HSPG2: variants seen among roughly 807,000 people sequenced by gnomAD.
HSPG2 encodes the protein heparan sulfate proteoglycan 2.
Under a neutral mutation model 526.6 loss-of-function variants are expected in HSPG2, and 278 were observed. The observed-to-expected ratio is 0.53, with a 90% CI of 0.48 to 0.58. The LOEUF (loss-of-function observed/expected upper bound fraction) is 0.58, where lower values mean the gene tolerates loss of function less well. Among genes scored for constraint, HSPG2 ranks in the 20% least tolerant of loss-of-function variants. The pLI is 0.00. For missense variants in HSPG2, 5,354 were observed against 6,099.5 expected (o/e 0.88, Z 4.07); for synonymous variants, 2,465 against 2,555.4 (o/e 0.96, Z 1.07).
At chr1:21,844,093 A>G (rs1638228113) in intron 65 of HSPG2, 55 bp downstream of exon 65, 2 of 1,600,164 alleles carry the variant, frequency 1.2e-6, no homozygotes, top group Non-Finnish European at 1.7e-6. Context: ...CGCTGGATTC[A>G]GGCAGGACCA....
rs1274090392 is a variant in HSPG2 at position 21,844,252 on chromosome 1, C to G, written c.8512G>C (p.Val2838Leu). The G allele has an allele frequency of 2.5e-6, 4 of 1,613,740 alleles. No individual in the cohort carries two copies. The highest frequency in any genetic ancestry group is 2.5e-6 in the Non-Finnish European group (3 of 1,180,014). Residue 2838 changes from valine (V) to leucine (L), a missense_variant, in exon 65 of 97, where the codon GTG becomes CTG. Transcript: ENST00000374695. ...AGATCCAGGGTCTGCCCTTCTGCCA[C>G]TCGGGAGGAGGAGGGCTCGATGCGG... ...PIRIEPSSSR[V>L]AEGQTLDLKC...
At chr1:21,849,495 A>G (rs1638716801) in intron 57 of HSPG2, among the ~76,000 whole-genome samples, 2 of 152,164 alleles carry the variant, frequency 1.3e-5, no homozygotes, top group South Asian at 2.1e-4. Context: ...CACACATTTC[A>G]GTGTCTCCAA....
intron 71 of HSPG2, 25 bp from the exon 72 acceptor site, chr1:21,840,042 T>C: frequency 6.2e-7 from 1 of 1,610,826 alleles, no homozygotes; most frequent in Non-Finnish European, 8.5e-7. Context: ...GGAGGCTGGT[T>C]ATGTGGGGAC....
At position 21,836,953 on chromosome 1, in the gene HSPG2, C is replaced by G. The variant is rs150666616; in HGVS notation, c.10204G>C (p.Val3402Leu). The change falls in exon 75 of 97, where the codon GTG becomes CTG. Residue 3402 changes from valine (V) to leucine (L), a missense_variant. By Grantham distance (32) the Val-to-Leu change is conservative. Transcript: ENST00000374695. ...GTCTCTAGCTGAGGCGTGACCTGCA[C>G]GGTGGGCGTGGACCCTGCTGGGATG... The part of the protein sequence containing the change: ...TSIPAGSTPT[V>L]QVTPQLETKS... The G allele has an allele frequency of 2.9e-4, 453 of 1,555,658 alleles. No individual in the cohort carries two copies. The African/African-American group carries it at 5.0e-3, about 17-fold the overall frequency.
intron 3 of HSPG2, among the ~76,000 whole-genome samples, chr1:21,892,172 GGC>G (rs1465133591): frequency 6.6e-6 from 1 of 152,254 alleles, no homozygotes; most frequent in African/African-American, 2.4e-5. Context: ...AGAAAGCCCT[GGC>G]GCTGCCTGCC....
rs905360222 is a variant in HSPG2, at chr1:21,852,153, C to T, written c.6805G>A (p.Ala2269Thr). 1.9e-6 allele frequency: 3 copies of T among 1,612,882 alleles called. No homozygotes were observed. Among genetic ancestry groups the T allele is most frequent in the Admixed American group, 1.7e-5 (1 of 59,860 alleles). The change falls in exon 53 of 97, where the codon GCA becomes ACA. Residue 2269 changes from alanine to threonine, a missense_variant. Transcript: ENST00000374695. ...GTGACCTGGGCGTGGGCCTGCCCTG[C>T]CACCACGCAGCTCAGATCCAGGGTC... Reference protein sequence around the residue: ...GQTLDLSCVVAGQAHAQVTWY... With the variant: ...GQTLDLSCVVTGQAHAQVTWY...
In HSPG2 at chr1:21,824,304, A is replaced by G; in HGVS notation, c.12815+2T>C. On this transcript the variant is annotated splice_donor_variant, in intron 94 of 96. Coordinates refer to ENST00000374695, the MANE Select transcript of HSPG2 (RefSeq NM_005529.7). LOFTEE classifies it high-confidence loss of function. The surrounding 1 kb of genome is among the most constrained non-coding windows in gnomAD (Gnocchi z 5.9). ...GAGGAAGGGCCAGGTGCCAGGACCT[A>G]CCTGAAGACAAGGTGCCCGTCTTGA... 6.2e-7 allele frequency: 1 copy of G among 1,613,766 alleles called. No individual in the cohort carries two copies. Among genetic ancestry groups the G allele is most frequent in the Non-Finnish European group, 8.5e-7 (1 of 1,179,928 alleles).
At chr1:21,888,247 G>A (rs897002369) in intron 6 of HSPG2, among the ~76,000 whole-genome samples, 181 bp from the exon 7 acceptor site, 5 of 152,216 alleles carry the variant, frequency 3.3e-5, no homozygotes, top group African/African-American at 1.2e-4. Flanking sequence ...TGGGGCATGG[G>A]ACATGCGGCA....
Position 21,865,565 on chromosome 1 carries a change from A to G in HSPG2, c.4314+152T>C. The G allele has an allele frequency of 1.2e-6, 1 of 865,206 alleles. No individual in the cohort carries two copies. The highest frequency in any genetic ancestry group is 1.9e-6 in the Non-Finnish European group (1 of 516,022). 53.6% of individuals were successfully genotyped at this position (865,206 alleles called of 1,614,324 possible). Reference sequence around the variant, plus strand: ...GGATCCTCTGCTTGGGTAGTGTCCAACCAGGCAGGGATGTGGGGGCATGGG... The same window carrying G: ...GGATCCTCTGCTTGGGTAGTGTCCAGCCAGGCAGGGATGTGGGGGCATGGG... On this transcript the variant is annotated intron_variant, in intron 34 of 96. Transcript: ENST00000374695. This position sits in a 1 kb window ranked among gnomAD's most constrained non-coding sequence, Gnocchi z 5.4.
chr1:21,916,268 G>A (rs7524618), intron 1 of HSPG2, among the ~76,000 whole-genome samples: 41,783 of 151,894 alleles, frequency 0.28, 6,476 homozygotes, highest in East Asian at 0.66. Context: ...TTGGGAGACC[G>A]AGGCGGGTGG....
rs534930533 is a variant in HSPG2, at chr1:21,877,225, C to A, written c.2686-573G>T. Among the ~76,000 whole-genome samples, 4 of 152,220 alleles carry A rather than the reference C, an allele frequency of 2.6e-5. No individual in the cohort carries two copies. In the East Asian group the frequency reaches 5.8e-4, roughly 22 times the overall value. On this transcript the variant is annotated intron_variant, in intron 21 of 96. Transcript: ENST00000374695. ...CAATAAATTTAGACTTGAAATACAG[C>A]GACTTGATTGAAATAATTGCTGCTT...
In HSPG2 at chr1:21,904,824, G is replaced by A. The variant is rs1643283732; in HGVS notation, c.64-8514C>T. On this transcript the variant is annotated intron_variant, in intron 1 of 96. Coordinates refer to ENST00000374695, the MANE Select transcript of HSPG2 (RefSeq NM_005529.7). This position sits in a 1 kb window ranked among gnomAD's most constrained non-coding sequence, Gnocchi z 4.4. ...GTGCCAGCCTCCTGCATGCAGCCTGGCTTGGTTCTCAGGTTCTCCGGCTCC... is the reference window on the plus strand; with the variant it reads ...GTGCCAGCCTCCTGCATGCAGCCTGACTTGGTTCTCAGGTTCTCCGGCTCC... 6.6e-6 allele frequency among the ~76,000 whole-genome samples: 1 copy of A among 152,156 alleles called. No individual in the cohort carries two copies. Among genetic ancestry groups the A allele is most frequent in the Non-Finnish European group, 1.5e-5 (1 of 68,024 alleles).
chr1:21,864,169 G>T lies in HSPG2; in HGVS notation c.4671C>A (p.Leu1557=). The T allele has an allele frequency of 6.4e-7, 1 of 1,555,502 alleles. No individual in the cohort carries two copies. The highest frequency in any genetic ancestry group is 1.2e-5 in the South Asian group (1 of 84,268). ...GYTRTGSGLY[L]GHCELCECNG... is the part of the protein sequence containing the mutation. ...TGCATTCACATAGCTCGCAGTGGCCGAGGTAGAGCCCACTCCCGGTGCGCG... is the reference window on the plus strand; with the variant it reads ...TGCATTCACATAGCTCGCAGTGGCCTAGGTAGAGCCCACTCCCGGTGCGCG... The change falls in exon 37 of 97, where the codon CTC becomes CTA. Residue 1557 remains leucine (L), a synonymous_variant. Transcript: ENST00000374695. The surrounding 1 kb of genome is among the most constrained non-coding windows in gnomAD (Gnocchi z 4.8).
In HSPG2 at chr1:21,834,540, C is replaced by A. The variant is rs2098018371; in HGVS notation, c.10720+139G>T. 1.7e-5 allele frequency: 18 copies of A among 1,042,704 alleles called. 1 individual carries two copies. In the South Asian group the frequency reaches 2.6e-4, roughly 15 times the overall value. 64.6% of individuals were successfully genotyped at this position (1,042,704 alleles called of 1,614,324 possible). Reference sequence around the variant, plus strand: ...CCTGCTGCTGCCACCTGTTATGAAACCTGCCCCTTAAACACACACAATGGA... The same window carrying A: ...CCTGCTGCTGCCACCTGTTATGAAAACTGCCCCTTAAACACACACAATGGA... On this transcript the variant is annotated intron_variant, in intron 77 of 96. Transcript: ENST00000374695.
chr1:21,829,916 C>G, intron 86 of HSPG2, 77 bp downstream of exon 86: 1 of 1,225,150 alleles, frequency 8.2e-7, no homozygotes, highest in South Asian at 1.3e-5. Flanking sequence ...TAGGGCCCAT[C>G]ATGGCCTCAG....
Position 21,855,679 on chromosome 1 carries a change from A to T in HSPG2, c.5702-4T>A. 1 of 1,578,552 alleles carries T rather than the reference A, an allele frequency of 6.3e-7. No individual in the cohort carries two copies. The highest frequency in any genetic ancestry group is 8.6e-7 in the Non-Finnish European group (1 of 1,164,726). The stretch of plus-strand genomic sequence containing the variant: ...GGGAGCTGGCCGCCGGGGCCCCCTG[A>T]CGAGTAGACGTGGGGTCAGCACCCA... On this transcript the variant is annotated splice_polypyrimidine_tract_variant and splice_region_variant and intron_variant, in intron 45 of 96. Coordinates refer to ENST00000374695, the MANE Select transcript of HSPG2 (RefSeq NM_005529.7).
In HSPG2 at chr1:21,829,534, T is replaced by TGTG; in HGVS notation, c.11838_11840dup (p.Thr3947dup). On this transcript the variant is annotated inframe_insertion, in exon 87 of 97. Coordinates refer to ENST00000374695, the MANE Select transcript of HSPG2 (RefSeq NM_005529.7). ...CCACGTCCAGGCGTAGCTCGTGGTG[T>TGTG]GTGTTGGTGAGGGCGGGCAGTGCCA... is the stretch of plus-strand genomic sequence containing the variant. 6.2e-7 allele frequency: 1 copy of TGTG among 1,612,930 alleles called. No homozygotes were observed. Among genetic ancestry groups the TGTG allele is most frequent in the South Asian group, 1.1e-5 (1 of 91,066 alleles).
At position 21,841,113 on chromosome 1, in the gene HSPG2, G is replaced by A. The variant is rs746720095; in HGVS notation, c.9501C>T (p.His3167=). Residue 3167 remains histidine, a synonymous_variant, in exon 71 of 97, where the codon CAC becomes CAT. Transcript: ENST00000374695. Reference sequence around the variant, plus strand: ...GCCCCGGCTTCACCTGCAGCACCGCGTGGCTGTCCATGAGCCCATATGTCC... The same window carrying A: ...GCCCCGGCTTCACCTGCAGCACCGCATGGCTGTCCATGAGCCCATATGTCC... The part of the protein sequence containing the change: ...EQRTYGLMDS[H]AVLQISSAKP... The A allele has an allele frequency of 4.3e-6, 7 of 1,609,988 alleles. No homozygotes were observed. The highest frequency in any genetic ancestry group is 1.3e-5 in the African/African-American group (1 of 74,988).
In HSPG2 at chr1:21,859,976, C is replaced by T; in HGVS notation, c.5041G>A (p.Val1681Ile). 1 of 1,610,814 alleles carries T rather than the reference C, an allele frequency of 6.2e-7. No individual in the cohort carries two copies. Among genetic ancestry groups the T allele is most frequent in the Non-Finnish European group, 8.5e-7 (1 of 1,179,272 alleles). The change falls in exon 41 of 97, where the codon GTC becomes ATC. Residue 1681 changes from valine (V) to isoleucine (I), a missense_variant. Transcript: ENST00000374695. This position sits in a 1 kb window ranked among gnomAD's most constrained non-coding sequence, Gnocchi z 5.3. ...ETNQAPLVVE[V>I]HPARSIVPQG... ...GGCACTATGCTTCGAGCAGGATGGA[C>T]CTCGACCACCAGTGGGGCTTGGTTT... is the stretch of plus-strand genomic sequence containing the variant.
Sources: allele counts gnomAD v4.1 joint callset (sites outside exome capture counted in the v4.1 genomes callset), GRCh38; gene constraint gnomAD v4.1.1; non-coding constraint Gnocchi (gnomAD v3.1); transcripts MANE v1.5; gene names NCBI Gene and HGNC (gene_info 2026-07-23, HGNC 2026-07-21).